ASH1L: variants seen among roughly 807,000 people sequenced by gnomAD.
The protein encoded by ASH1L is histone-lysine N-methyltransferase ASH1L.
ASH1L carries 23 observed loss-of-function variants against 269.0 expected under a neutral mutation model. The observed-to-expected ratio is 0.09, with a 90% CI of 0.06 to 0.12. The LOEUF is 0.12. Ranked by LOEUF, ASH1L falls within the 10% of genes least tolerant of loss-of-function variation. The probability of loss-of-function intolerance (pLI) is 1.00; values close to 1 mark genes in which losing one functional copy is unlikely to be tolerated. For synonymous variants in ASH1L, 1,187 were observed against 1,253.5 expected (o/e 0.95, Z 1.12); for missense variants, 2,912 against 3,567.8 (o/e 0.82, Z 4.68).
chr1:155,357,928 G>A (rs142334406), intron 13 of ASH1L, among the ~76,000 whole-genome samples, 179 bp from the exon 14 acceptor site: 9 of 152,038 alleles, frequency 5.9e-5, no homozygotes, highest in African/African-American at 2.2e-4. Flanking sequence ...GTGCCACTAT[G>A]CCAGGCTAAT....
At chr1:155,449,306 T>C (rs1050254652) in intron 4 of ASH1L, among the ~76,000 whole-genome samples, 2 of 152,240 alleles carry the variant, frequency 1.3e-5, no homozygotes, top group African/African-American at 4.8e-5. Context: ...CTTTTACTTA[T>C]GAATTATTTA....
At chr1:155,417,856 G>T (rs533223793) in intron 5 of ASH1L, among the ~76,000 whole-genome samples, 1 of 152,158 alleles carries the variant, frequency 6.6e-6, no homozygotes, top group South Asian at 2.1e-4. Context: ...TACTCGGGAG[G>T]CTGATGCAGG....
At chr1:155,560,013 G>C (rs1392678643) in intron 1 of ASH1L, among the ~76,000 whole-genome samples, 2 of 152,106 alleles carry the variant, frequency 1.3e-5, no homozygotes, top group African/African-American at 4.8e-5. Context: ...TAATACTGCA[G>C]AAATAAGTTT....
At chr1:155,416,638 C>T (rs947892289) in intron 5 of ASH1L, among the ~76,000 whole-genome samples, 4 of 151,520 alleles carry the variant, frequency 2.6e-5, no homozygotes, top group Non-Finnish European at 4.4e-5. Context: ...TGGGTTGAAG[C>T]GATTCTCCTG....
chr1:155,465,179 G>A (rs934540966), intron 3 of ASH1L, among the ~76,000 whole-genome samples: 21 of 151,248 alleles, frequency 1.4e-4, no homozygotes, highest in African/African-American at 4.1e-4. Context: ...CAGTGGTGGA[G>A]GCATCCCAAA....
At chr1:155,357,466 C>T in intron 14 of ASH1L, 56 bp from the exon 15 acceptor site, 1 of 1,593,796 alleles carries the variant, frequency 6.3e-7, no homozygotes, top group South Asian at 1.1e-5. Flanking sequence ...CAGAAATAAT[C>T]TCCAAGAATA....
At chr1:155,545,175 CAAAAAAAAAAAAAAA>C (rs10624841) in intron 1 of ASH1L, among the ~76,000 whole-genome samples, 25 of 21,766 alleles carry the variant, frequency 1.1e-3, no homozygotes, top group Non-Finnish European at 1.5e-3. Context: ...TCCATCTCAC[CAAAAAAAAAAAAAAA>C]AAAAAAAAAA....
At chr1:155,423,649 TAA>T (rs1660900680) in intron 5 of ASH1L, among the ~76,000 whole-genome samples, 1 of 152,238 alleles carries the variant, frequency 6.6e-6, no homozygotes, top group South Asian at 2.1e-4. Flanking sequence ...GAAAAAGTAC[TAA>T]GTTTTCGCAC....
intron 5 of ASH1L, among the ~76,000 whole-genome samples, chr1:155,436,489 G>C (rs576012605): frequency 2.6e-5 from 3 of 113,374 alleles, no homozygotes; most frequent in African/African-American, 9.2e-5. Flanking sequence ...ACCATGCGTG[G>C]ACTTTTTTTT....
intron 10 of ASH1L, 111 bp downstream of exon 10, chr1:155,378,170 G>A: frequency 2.7e-6 from 2 of 744,928 alleles, no homozygotes; most frequent in Non-Finnish European, 2.3e-6. Flanking sequence ...ATATATCTTT[G>A]TGCAACTTCT....
At chr1:155,353,161 T>A (rs1654078362) in intron 16 of ASH1L, among the ~76,000 whole-genome samples, 1 of 152,202 alleles carries the variant, frequency 6.6e-6, no homozygotes. Flanking sequence ...GCTTATTAGT[T>A]GTGTGATCTT....
At chr1:155,385,710 G>T (rs1657373116) in intron 7 of ASH1L, among the ~76,000 whole-genome samples, 1 of 152,172 alleles carries the variant, frequency 6.6e-6, no homozygotes, top group South Asian at 2.1e-4. Flanking sequence ...TAAGGTTCTA[G>T]ATTTTATGAA....
chr1:155,489,663 C>T (rs1452885514), intron 2 of ASH1L, among the ~76,000 whole-genome samples: 1 of 151,678 alleles, frequency 6.6e-6, no homozygotes, highest in Non-Finnish European at 1.5e-5. Flanking sequence ...GAGGCTGAGG[C>T]AGGAGAATGG....
chr1:155,511,422 T>A (rs72704187), intron 2 of ASH1L, among the ~76,000 whole-genome samples: 1 of 152,226 alleles, frequency 6.6e-6, no homozygotes, highest in Non-Finnish European at 1.5e-5. Flanking sequence ...CTCTGGAGAC[T>A]TTCCAAACTT....
intron 5 of ASH1L, chr1:155,433,215 T>G: frequency 6.5e-7 from 1 of 1,548,660 alleles, no homozygotes; most frequent in Non-Finnish European, 8.7e-7. Flanking sequence ...CCTGCCTTCT[T>G]GCCCCCTCCA....
chr1:155,380,228 T>A, intron 7 of ASH1L, 112 bp from the exon 8 acceptor site: 1 of 742,874 alleles, frequency 1.3e-6, no homozygotes, highest in Non-Finnish European at 2.2e-6. Flanking sequence ...AAAGATTTAA[T>A]TCTTTAAGGA....
At chr1:155,400,127 C>T (rs1480017682) in intron 6 of ASH1L, among the ~76,000 whole-genome samples, 1 of 152,114 alleles carries the variant, frequency 6.6e-6, no homozygotes, top group Non-Finnish European at 1.5e-5. Context: ...GCGGGCAAAT[C>T]ACGAGGTCAG....
chr1:155,454,717 G>C (rs1483140302), intron 4 of ASH1L, among the ~76,000 whole-genome samples: 1 of 152,136 alleles, frequency 6.6e-6, no homozygotes, highest in East Asian at 1.9e-4. Context: ...GCAGTGAGCT[G>C]AGATCGTGAC....
At chr1:155,500,861 A>C (rs1482006908) in intron 2 of ASH1L, among the ~76,000 whole-genome samples, 1 of 152,150 alleles carries the variant, frequency 6.6e-6, no homozygotes, top group Admixed American at 6.6e-5. Context: ...TCAGCTACTC[A>C]GGAGACTGAG....
Sources: allele counts gnomAD v4.1 joint callset (sites outside exome capture counted in the v4.1 genomes callset), GRCh38; gene constraint gnomAD v4.1.1; transcripts MANE v1.5; gene names NCBI Gene and HGNC (gene_info 2026-07-23, HGNC 2026-07-21).